Variants in KAT6A observed in about 807,000 individuals in gnomAD.
KAT6A encodes lysine acetyltransferase 6A.
In KAT6A, 9 loss-of-function variants were observed where a neutral mutation model predicts 198.4. The observed-to-expected ratio is 0.05, with a 90% CI of 0.03 to 0.08. The LOEUF is 0.08. Ranked by LOEUF, KAT6A falls within the 10% of genes least tolerant of loss-of-function variation. The pLI is 1.00. For missense variants in KAT6A, 2,077 were observed against 2,509.9 expected (o/e 0.83, Z 3.69); for synonymous variants, 890 against 883.0 (o/e 1.01, Z -0.14).
chr8:41,979,966 G>A lies in KAT6A; in HGVS notation c.907+880C>T, dbSNP rs374681886. Among the ~76,000 whole-genome samples the A allele has an allele frequency of 7.8e-3, 956 of 122,664 alleles. 11 individuals are homozygous for A. Among genetic ancestry groups the A allele is most frequent in the African/African-American group, 0.027 (919 of 33,532 alleles). 80.5% of individuals were successfully genotyped at this position (122,664 alleles called of 152,430 possible). A position where few individuals can be genotyped will look rare whatever the true frequency, so the allele number is the denominator to read the frequency against. On this transcript the variant is annotated intron_variant, in intron 5 of 16. Coordinates refer to ENST00000265713, the MANE Select transcript of KAT6A (RefSeq NM_006766.5). ...GTGAGCCAAGATCCTGGGCGACAGA[G>A]TGAGACTCCATGGGTGAGGGGGTGG...
At chr8:41,999,730 C>G (rs1377873315) in intron 2 of KAT6A, among the ~76,000 whole-genome samples, 1 of 152,086 alleles carries the variant, frequency 6.6e-6, no homozygotes, top group Non-Finnish European at 1.5e-5. Flanking sequence ...GGTATTTTAC[C>G]CCTTCTCTCA....
At chr8:42,009,676 GTT>G (rs753005407) in intron 2 of KAT6A, among the ~76,000 whole-genome samples, 13 of 151,560 alleles carry the variant, frequency 8.6e-5, no homozygotes, top group Non-Finnish European at 1.5e-4. Context: ...AGGTGGGAGG[GTT>G]GCTTGAGCCC....
At position 41,949,303 on chromosome 8, in the gene KAT6A, C is replaced by A. The variant is rs1006366522; in HGVS notation, c.1659G>T (p.Leu553=). The change falls in exon 10 of 17, where the codon CTG becomes CTT. Residue 553 remains leucine, a synonymous_variant. Transcript: ENST00000265713. ...AACCACATTTCTTCATGTGCTGCTGCAGAATAGTTCTACTTTTCATATATT... is the reference window on the plus strand; with the variant it reads ...AACCACATTTCTTCATGTGCTGCTGAAGAATAGTTCTACTTTTCATATATT... The part of the protein sequence containing the change: ...CLKYMKSRTI[L]QQHMKKCGWF... 2 of 1,576,096 alleles carry A rather than the reference C, an allele frequency of 1.3e-6. No homozygotes were observed. The highest frequency in any genetic ancestry group is 1.7e-6 in the Non-Finnish European group (2 of 1,163,810).
In KAT6A at chr8:41,933,446, G is replaced by A. The variant is rs1444048972; in HGVS notation, c.4774C>T (p.Leu1592=). Residue 1592 remains leucine (L), a synonymous_variant, in exon 17 of 17, where the codon CTG becomes TTG. Coordinates refer to ENST00000265713, the MANE Select transcript of KAT6A (RefSeq NM_006766.5). The surrounding 1 kb of genome is among the most constrained non-coding windows in gnomAD (Gnocchi z 6.2). ...TGGGTGAGGCTGCTGGAGGACGACAGCCCACCGTAGGAGCAGCTGCTCTGG... is the reference window on the plus strand; with the variant it reads ...TGGGTGAGGCTGCTGGAGGACGACAACCCACCGTAGGAGCAGCTGCTCTGG... The part of the protein sequence containing the change: ...SSQSSCSYGG[L]SSSSSLTQSS... The A allele has an allele frequency of 1.9e-6, 3 of 1,612,770 alleles. No homozygotes were observed. The East Asian group carries it at 6.7e-5, about 36-fold the overall frequency.
rs1564003556 is a variant in KAT6A at position 41,933,232 on chromosome 8, G to GGCGGCGGCTGTGGCT, written c.4973_4987dup (p.Gln1658_Pro1662dup). The GGCGGCGGCTGTGGCT allele has an allele frequency of 6.4e-7, 1 of 1,550,436 alleles. No homozygotes were observed. On this transcript the variant is annotated inframe_insertion, in exon 17 of 17. Transcript: ENST00000265713. The surrounding 1 kb of genome is among the most constrained non-coding windows in gnomAD (Gnocchi z 6.2). ...CTGTGGTGCTGGTTGTGGTTGTGGCGGCGGCGGCTGTGGCTGCTGTGGAGG... is the reference window on the plus strand; with the variant it reads ...CTGTGGTGCTGGTTGTGGTTGTGGCGGCGGCGGCTGTGGCTGCGGCGGCTGTGGCTGCTGTGGAGG...
chr8:42,045,006 CATA>C (rs1802144066), intron 2 of KAT6A, among the ~76,000 whole-genome samples: 2 of 152,170 alleles, frequency 1.3e-5, no homozygotes, highest in Admixed American at 1.3e-4. Context: ...AAGGAGCAGA[CATA>C]ATCTGTTCAA....
intron 3 of KAT6A, among the ~76,000 whole-genome samples, chr8:41,982,732 T>A (rs1175812878): frequency 6.6e-6 from 1 of 152,234 alleles, no homozygotes; most frequent in Non-Finnish European, 1.5e-5. Context: ...GGAGTCACCC[T>A]TATTTTACTT....
chr8:41,950,766 C>T (rs946358929), intron 9 of KAT6A, among the ~76,000 whole-genome samples: 9 of 151,990 alleles, frequency 5.9e-5, no homozygotes, highest in African/African-American at 1.9e-4. Flanking sequence ...GGTCTCAGCA[C>T]AGAGACATGA....
chr8:41,947,679 C>T (rs1007120554), intron 11 of KAT6A, 72 bp downstream of exon 11: 5 of 1,267,686 alleles, frequency 3.9e-6, no homozygotes, highest in East Asian at 4.8e-5. Flanking sequence ...GTTGTGTCCC[C>T]GAGTGAGAAC....
chr8:41,940,998 T>C lies in KAT6A; in HGVS notation c.2883A>G (p.Arg961=). The C allele has an allele frequency of 6.2e-7, 1 of 1,614,192 alleles. No homozygotes were observed. Among genetic ancestry groups the C allele is most frequent in the South Asian group, 1.1e-5 (1 of 91,084 alleles). The change falls in exon 15 of 17, where the codon AGA becomes AGG. Residue 961 remains arginine (R), a synonymous_variant. Transcript: ENST00000265713. The stretch of plus-strand genomic sequence containing the variant: ...GCAGCCTCTCACTTCCTTCTGTTAA[T>C]CTGCACTTCAGAGCCTCAGGGCTTT... ...LKKSPEALKC[R]LTEGSERLPR...
At chr8:41,939,296 T>C (rs1013125989) in intron 15 of KAT6A, among the ~76,000 whole-genome samples, 2 of 152,116 alleles carry the variant, frequency 1.3e-5, no homozygotes, top group Admixed American at 6.5e-5. Flanking sequence ...ACAAACAATA[T>C]CTTAAGCCAG....
chr8:41,964,866 G>C (rs928379897), intron 8 of KAT6A, among the ~76,000 whole-genome samples: 1 of 152,086 alleles, frequency 6.6e-6, no homozygotes, highest in East Asian at 1.9e-4. Flanking sequence ...CCTATTGCAT[G>C]GTATGCACCC....
At chr8:42,028,298 A>G (rs1013195698) in intron 2 of KAT6A, among the ~76,000 whole-genome samples, 1 of 152,180 alleles carries the variant, frequency 6.6e-6, no homozygotes, top group Non-Finnish European at 1.5e-5. Flanking sequence ...GATTTTCTGC[A>G]CAGCTGACCT....
chr8:41,935,331 A>C (rs1005611100), intron 16 of KAT6A, among the ~76,000 whole-genome samples: 4 of 151,694 alleles, frequency 2.6e-5, no homozygotes, highest in African/African-American at 7.3e-5. Flanking sequence ...GGATTTTCTT[A>C]CTTTCCACAA....
At chr8:41,973,641 C>T (rs1225916693) in intron 8 of KAT6A, among the ~76,000 whole-genome samples, 1 of 152,024 alleles carries the variant, frequency 6.6e-6, no homozygotes, top group Non-Finnish European at 1.5e-5. Flanking sequence ...TGATCTAGCC[C>T]CTGCACTTTT....
intron 2 of KAT6A, among the ~76,000 whole-genome samples, chr8:42,043,043 T>C (rs1220916234): frequency 6.6e-6 from 1 of 152,116 alleles, no homozygotes; most frequent in Non-Finnish European, 1.5e-5. Flanking sequence ...TGATACTTAA[T>C]TGTTATGAAA....
At position 42,007,961 on chromosome 8, in the gene KAT6A, C is replaced by CAAAAAAAA. The variant is rs988491987; in HGVS notation, c.601-20406_601-20399dup. Among the ~76,000 whole-genome samples, 54 of 42,898 alleles carry CAAAAAAAA rather than the reference C, an allele frequency of 1.3e-3. 1 individual carries two copies. Among genetic ancestry groups the CAAAAAAAA allele is most frequent in the African/African-American group, 4.7e-3 (53 of 11,214 alleles). 28.1% of individuals were successfully genotyped at this position (42,898 alleles called of 152,430 possible). A position where few individuals can be genotyped will look rare whatever the true frequency, so the allele number is the denominator to read the frequency against. ...TGGGCGACAGAGCGAGACTCCGTCT[C>CAAAAAAAA]AAAAAAAAAAAAAAAAAAAAAAAAA... On this transcript the variant is annotated intron_variant, in intron 2 of 16. Transcript: ENST00000265713.
chr8:41,977,359 T>G, intron 6 of KAT6A, 32 bp from the exon 7 acceptor site: 1 of 1,503,192 alleles, frequency 6.7e-7, no homozygotes, highest in South Asian at 1.2e-5. Flanking sequence ...AGGGTAAGTA[T>G]TAAAAAAGAT....
chr8:41,996,778 C>T (rs556836441), intron 2 of KAT6A, among the ~76,000 whole-genome samples: 3 of 152,268 alleles, frequency 2.0e-5, no homozygotes, highest in African/African-American at 7.2e-5. Flanking sequence ...AACTATGAAC[C>T]AAATAAACAT....
Sources: allele counts gnomAD v4.1 joint callset (sites outside exome capture counted in the v4.1 genomes callset), GRCh38; gene constraint gnomAD v4.1.1; non-coding constraint Gnocchi (gnomAD v3.1); transcripts MANE v1.5; gene names NCBI Gene and HGNC (gene_info 2026-07-23, HGNC 2026-07-21).